Variants in LPIN1 observed in about 807,000 individuals in gnomAD.
The protein encoded by LPIN1 is lipin 1.
LPIN1 carries 71 observed loss-of-function variants against 107.5 expected under a neutral mutation model. The ratio of observed to expected loss-of-function variants is 0.66; its 90% CI spans 0.55 to 0.80. The LOEUF (loss-of-function observed/expected upper bound fraction) is 0.80, where lower values mean the gene tolerates loss of function less well. Among genes scored for constraint, LPIN1 ranks in the 30% least tolerant of loss-of-function variants. LPIN1 has a pLI of 0.00. For synonymous variants in LPIN1, 445 were observed against 452.6 expected (o/e 0.98, Z 0.21); for missense variants, 1,043 against 1,160.6 (o/e 0.90, Z 1.47).
At chr2:11,686,762 C>T (rs1403272240) in intron 1 of LPIN1, among the ~76,000 whole-genome samples, 1 of 152,122 alleles carries the variant, frequency 6.6e-6, no homozygotes, top group African/African-American at 2.4e-5. Flanking sequence ...TGAATACGCC[C>T]CTCACAGTGT....
intron 1 of LPIN1, among the ~76,000 whole-genome samples, chr2:11,695,009 A>G (rs1390087531): frequency 2.6e-5 from 4 of 152,150 alleles, no homozygotes; most frequent in Non-Finnish European, 5.9e-5. Context: ...CCATGAAATA[A>G]ATACCTGAAA....
At chr2:11,799,845 T>A (rs1226916885) in intron 14 of LPIN1, among the ~76,000 whole-genome samples, 1 of 152,160 alleles carries the variant, frequency 6.6e-6, no homozygotes, top group African/African-American at 2.4e-5. Flanking sequence ...CAAGGTAATG[T>A]AGCCCGAAGT....
intron 1 of LPIN1, among the ~76,000 whole-genome samples, chr2:11,730,422 T>C (rs1665077142): frequency 1.3e-5 from 2 of 152,234 alleles, no homozygotes; most frequent in African/African-American, 4.8e-5. Flanking sequence ...GTATACCTTA[T>C]GCAATTAGAG....
intron 1 of LPIN1, among the ~76,000 whole-genome samples, chr2:11,750,782 C>G (rs981091879): frequency 7.1e-6 from 1 of 141,256 alleles, no homozygotes; most frequent in African/African-American, 2.9e-5. Context: ...GCGCTCTTAC[C>G]TGCTGAGCTA....
chr2:11,754,976 A>ATTT (rs1216469676), intron 1 of LPIN1, among the ~76,000 whole-genome samples: 2 of 138,968 alleles, frequency 1.4e-5, no homozygotes, highest in Non-Finnish European at 1.6e-5. Flanking sequence ...ATTTCTTCTA[A>ATTT]TTTTTTTTTT....
At chr2:11,743,953 C>G (rs1666625946), upstream of LPIN1, among the ~76,000 whole-genome samples, 1 of 152,220 alleles carries the variant, frequency 6.6e-6, no homozygotes. This position sits in a 1 kb window ranked among gnomAD's most constrained non-coding sequence, Gnocchi z 4.7. Flanking sequence ...AATGGCCACT[C>G]CTCAACTTAT....
chr2:11,694,976 C>T (rs1662498199), intron 1 of LPIN1, among the ~76,000 whole-genome samples: 1 of 152,178 alleles, frequency 6.6e-6, no homozygotes, highest in Admixed American at 6.5e-5. Context: ...TGGGCTGTCA[C>T]ATGGCTTCTT....
At chr2:11,716,896 C>T (rs181818495) in intron 2 of LPIN1, among the ~76,000 whole-genome samples, 100 of 152,320 alleles carry the variant, frequency 6.6e-4, no homozygotes, top group Non-Finnish European at 1.1e-3. Context: ...TTGTGCCTCC[C>T]TCTTGGCTGA....
At chr2:11,713,053 C>T (rs149484471) in intron 1 of LPIN1, among the ~76,000 whole-genome samples, 63 of 152,276 alleles carry the variant, frequency 4.1e-4, no homozygotes, top group Non-Finnish European at 4.6e-4. Context: ...AGCCCTGTGG[C>T]TAAGAAACAG....
At chr2:11,777,328 G>GT (rs1173828956) in intron 6 of LPIN1, 3 of 152,240 alleles carry the variant, frequency 2.0e-5, no homozygotes, top group Admixed American at 2.0e-4. Flanking sequence ...GTGGTGGCCT[G>GT]TTTGCTGTTG....
chr2:11,779,232 TTCTCTTTCCA>T (rs1207906610), intron 6 of LPIN1, among the ~76,000 whole-genome samples: 1 of 152,162 alleles, frequency 6.6e-6, no homozygotes, highest in East Asian at 1.9e-4. Flanking sequence ...ATTTTTCCCT[TTCTCTTTCCA>T]TCTCTTTCTT....
In LPIN1 at chr2:11,783,844, A is replaced by G; in HGVS notation, c.1280A>G (p.His427Arg). The change falls in exon 9 of 21, where the codon CAT becomes CGT. Residue 427 changes from histidine (H) to arginine (R), a missense_variant. Physicochemically the swap from His to Arg is conservative, Grantham distance 29. Coordinates refer to ENST00000674199, the MANE Select transcript of LPIN1 (RefSeq NM_001349206.2). Reference protein sequence around the residue: ...PSRKRDKRSRHLGADGVYLDD... With the variant: ...PSRKRDKRSRRLGADGVYLDD... The stretch of plus-strand genomic sequence containing the variant: ...GCCGTTTTAGATAAACGAAGCCGAC[A>G]TCTTGGTGCTGACGGCGTCTACTTG... The G allele has an allele frequency of 1.2e-6, 2 of 1,614,168 alleles. No homozygotes were observed. Among genetic ancestry groups the G allele is most frequent in the South Asian group, 1.1e-5 (1 of 91,084 alleles).
chr2:11,814,445 C>G (rs756835783), intron 17 of LPIN1, among the ~76,000 whole-genome samples: 5 of 151,080 alleles, frequency 3.3e-5, no homozygotes, highest in Non-Finnish European at 7.4e-5. Context: ...AAGAATTTTG[C>G]TACAAAAGGG....
At chr2:11,682,193 G>A (rs1047760690) in intron 1 of LPIN1, 1 of 152,306 alleles carries the variant, frequency 6.6e-6, no homozygotes, top group Admixed American at 6.5e-5. Flanking sequence ...TCCTGCAGGT[G>A]AGCCGTGGGG....
intron 1 of LPIN1, among the ~76,000 whole-genome samples, chr2:11,701,216 TG>T (rs1368665933): frequency 2.0e-5 from 3 of 152,236 alleles, no homozygotes; most frequent in African/African-American, 7.2e-5. Flanking sequence ...CCTGGGTACC[TG>T]GCCCTTTGTT....
intron 1 of LPIN1, chr2:11,740,941 T>C (rs1482062292): frequency 2.5e-5 from 4 of 159,118 alleles, no homozygotes; most frequent in Non-Finnish European, 4.1e-5. Context: ...AACAGGTTGC[T>C]TAGCAGAGGC....
In LPIN1 at chr2:11,683,139, G is replaced by A. The variant is rs548475429; in HGVS notation, c.81+5411G>A. On this transcript the variant is annotated intron_variant, in intron 1 of 21. Coordinates refer to the LPIN1 transcript ENST00000449576. Reference sequence around the variant, plus strand: ...AGTTTGTGACGCTTGTGATTGTGAAGCTCAAATGGATTATGTGACTCCACA... The same window carrying A: ...AGTTTGTGACGCTTGTGATTGTGAAACTCAAATGGATTATGTGACTCCACA... The A allele has an allele frequency of 2.0e-5, 3 of 152,322 alleles. No homozygotes were observed. In the East Asian group the frequency reaches 5.8e-4, roughly 29 times the overall value. 9.4% of individuals were successfully genotyped at this position (152,322 alleles called of 1,614,324 possible). A position where few individuals can be genotyped will look rare whatever the true frequency, so the allele number is the denominator to read the frequency against.
At chr2:11,759,135 TTC>T (rs775752230) in intron 1 of LPIN1, among the ~76,000 whole-genome samples, 19 of 39,570 alleles carry the variant, frequency 4.8e-4, no homozygotes, top group Admixed American at 1.7e-3. Flanking sequence ...TTTCTTTCTT[TTC>T]TTTCTTTCTT....
In LPIN1 at chr2:11,751,696, C is replaced by CA. The variant is rs1475932797; in HGVS notation, c.-10+5032dup. The stretch of plus-strand genomic sequence containing the variant: ...TGAAACCCCGTCTCTACTAAAAATA[C>CA]AAAAAAATTAGCCAGGCTGGTGGCA... On this transcript the variant is annotated intron_variant, in intron 1 of 20. Transcript: ENST00000674199. Among the ~76,000 whole-genome samples the CA allele has an allele frequency of 2.0e-5, 3 of 152,018 alleles. No homozygotes were observed. In the East Asian group the frequency reaches 5.8e-4, roughly 29 times the overall value.
Sources: allele counts gnomAD v4.1 joint callset (sites outside exome capture counted in the v4.1 genomes callset), GRCh38; gene constraint gnomAD v4.1.1; non-coding constraint Gnocchi (gnomAD v3.1); transcripts MANE v1.5; gene names NCBI Gene and HGNC (gene_info 2026-07-23, HGNC 2026-07-21).